CTNNA3: variants seen among roughly 807,000 people sequenced by gnomAD.
The protein encoded by CTNNA3 is catenin alpha 3.
A neutral mutation model predicts 95.7 loss-of-function variants in CTNNA3; 76 were observed. The ratio of observed to expected loss-of-function variants is 0.79; its 90% CI spans 0.66 to 0.96. CTNNA3 has a LOEUF of 0.96. Ranked by LOEUF, CTNNA3 falls within the 40% of genes least tolerant of loss-of-function variation. CTNNA3 has a pLI of 0.00. For synonymous variants in CTNNA3, 431 were observed against 374.4 expected (o/e 1.15, Z -1.74); for missense variants, 1,191 against 1,089.8 (o/e 1.09, Z -1.31).
chr10:66,249,338 C>A (rs1168642356), intron 13 of CTNNA3, among the ~76,000 whole-genome samples: 1 of 152,006 alleles, frequency 6.6e-6, no homozygotes, highest in Non-Finnish European at 1.5e-5. Context: ...GAAGAGACAA[C>A]CACAGAATGC....
At chr10:67,252,659 T>TTG (rs1866157501) in intron 5 of CTNNA3, among the ~76,000 whole-genome samples, 1 of 152,204 alleles carries the variant, frequency 6.6e-6, no homozygotes, top group South Asian at 2.1e-4. Context: ...TACATAGGCA[T>TTG]TGTGACATAC....
intron 13 of CTNNA3, among the ~76,000 whole-genome samples, chr10:66,157,932 CAT>C (rs2084632593): frequency 6.6e-6 from 1 of 151,968 alleles, no homozygotes; most frequent in Non-Finnish European, 1.5e-5. Context: ...AGCATTTTTT[CAT>C]ATGTTTGTTG....
At chr10:67,148,471 T>C (rs1292289591) in intron 7 of CTNNA3, among the ~76,000 whole-genome samples, 1 of 152,138 alleles carries the variant, frequency 6.6e-6, no homozygotes, top group Non-Finnish European at 1.5e-5. Flanking sequence ...GAAGTATGAG[T>C]TTCTCTTTAC....
intron 5 of CTNNA3, among the ~76,000 whole-genome samples, chr10:67,408,955 A>T (rs1845258668): frequency 6.6e-6 from 1 of 152,082 alleles, no homozygotes; most frequent in Non-Finnish European, 1.5e-5. Flanking sequence ...GAAGACATAC[A>T]TGCATGTGGC....
At chr10:66,376,759 A>G (rs2132480977) in intron 12 of CTNNA3, among the ~76,000 whole-genome samples, 1 of 152,302 alleles carries the variant, frequency 6.6e-6, no homozygotes, top group Admixed American at 6.5e-5. Flanking sequence ...ACAGAGAAAG[A>G]CAGTCCACAG....
chr10:66,470,947 A>G (rs1241863814), intron 11 of CTNNA3, among the ~76,000 whole-genome samples: 1 of 151,950 alleles, frequency 6.6e-6, no homozygotes, highest in Admixed American at 6.6e-5. Flanking sequence ...CTTGCCATCA[A>G]CTTAACTTTT....
intron 17 of CTNNA3, among the ~76,000 whole-genome samples, chr10:65,944,445 G>C (rs968354300): frequency 6.6e-6 from 1 of 152,180 alleles, no homozygotes; most frequent in Non-Finnish European, 1.5e-5. Flanking sequence ...CAAAATTAGT[G>C]AGACAACACT....
Position 67,588,868 on chromosome 10 carries a change from G to A in CTNNA3, c.292+17989C>T, listed in dbSNP as rs993532042. On this transcript the variant is annotated intron_variant, in intron 3 of 17. Transcript: ENST00000433211. ...TTTTATACTAATATCATTTTTAAAC[G>A]TTTCAAGAAGAAAGAATCTATACAC... Among the ~76,000 whole-genome samples, 126 of 151,822 alleles carry A rather than the reference G, an allele frequency of 8.3e-4. 1 individual carries two copies. The highest frequency in any genetic ancestry group is 2.3e-3 in the African/African-American group (97 of 41,404).
At chr10:65,933,334 C>A (rs184990102) in intron 17 of CTNNA3, among the ~76,000 whole-genome samples, 2 of 152,228 alleles carry the variant, frequency 1.3e-5, no homozygotes, top group East Asian at 3.9e-4. Flanking sequence ...TGTTTTCTCA[C>A]AAATTGGAGT....
chr10:66,270,607 G>A (rs999866849), intron 13 of CTNNA3, among the ~76,000 whole-genome samples: 6 of 152,160 alleles, frequency 3.9e-5, no homozygotes, highest in South Asian at 2.1e-4. Flanking sequence ...TATGTAATAC[G>A]TCAATCATCA....
chr10:66,157,225 A>G (rs1236531746), intron 13 of CTNNA3, among the ~76,000 whole-genome samples: 3 of 151,850 alleles, frequency 2.0e-5, no homozygotes, highest in Non-Finnish European at 4.4e-5. Flanking sequence ...CCCAAAGTCC[A>G]TTGTATCATT....
intron 7 of CTNNA3, among the ~76,000 whole-genome samples, chr10:66,914,590 T>G (rs1846389782): frequency 7.2e-6 from 1 of 138,760 alleles, no homozygotes; most frequent in African/African-American, 2.7e-5. Context: ...TGAGAAAAAA[T>G]GGCACATCCA....
chr10:66,731,585 A>G (rs1273748895), intron 9 of CTNNA3, among the ~76,000 whole-genome samples: 4 of 151,736 alleles, frequency 2.6e-5, no homozygotes, highest in Non-Finnish European at 1.5e-5. Flanking sequence ...GTTTTGCAAA[A>G]CTCTTCAAAT....
intron 7 of CTNNA3, among the ~76,000 whole-genome samples, chr10:67,057,312 A>T (rs7080302): frequency 0.035 from 5,330 of 152,164 alleles, 284 homozygotes; most frequent in African/African-American, 0.11. Context: ...TTCTTAGCAT[A>T]TGTCAAGTAT....
At chr10:67,401,600 C>T (rs2132808748) in intron 5 of CTNNA3, among the ~76,000 whole-genome samples, 1 of 152,206 alleles carries the variant, frequency 6.6e-6, no homozygotes. Flanking sequence ...AGCCCCGTGG[C>T]CCCAAAGACC....
chr10:66,070,805 C>T (rs1383576398), intron 14 of CTNNA3, among the ~76,000 whole-genome samples: 3 of 152,080 alleles, frequency 2.0e-5, no homozygotes, highest in Non-Finnish European at 2.9e-5. Flanking sequence ...GATAAGATTG[C>T]GACTGACCCT....
intron 11 of CTNNA3, among the ~76,000 whole-genome samples, chr10:66,422,288 C>T (rs1199712177): frequency 6.6e-6 from 1 of 152,114 alleles, no homozygotes; most frequent in Admixed American, 6.6e-5. Flanking sequence ...AATATTTCCT[C>T]AGTAGCTCTT....
chr10:67,666,827 A>T (rs1245200778), intron 1 of CTNNA3, among the ~76,000 whole-genome samples: 1 of 152,104 alleles, frequency 6.6e-6, no homozygotes, highest in Non-Finnish European at 1.5e-5. Context: ...CACTACCATT[A>T]TTTCCTCCTC....
chr10:66,956,822 A>G (rs1589488902), intron 7 of CTNNA3, among the ~76,000 whole-genome samples: 3 of 152,214 alleles, frequency 2.0e-5, no homozygotes, highest in Non-Finnish European at 4.4e-5. Flanking sequence ...GCTCAACAGT[A>G]ACCAATATTC....
Sources: gnomAD v4.1 joint callset for allele counts (sites outside exome capture counted in the v4.1 genomes callset) on GRCh38, gnomAD v4.1.1 for gene constraint, MANE v1.5 for transcripts, NCBI Gene and HGNC (gene_info 2026-07-23, HGNC 2026-07-21) for gene names.